Variants in ANKRD12 observed in about 807,000 individuals in gnomAD.
ANKRD12 encodes ankyrin repeat domain 12, also known as ankyrin repeat domain-containing protein 12.
Under a neutral mutation model 183.4 loss-of-function variants are expected in ANKRD12, and 85 were observed. The observed-to-expected ratio is 0.46, with a 90% CI of 0.39 to 0.56. The LOEUF is 0.56. Ranked by LOEUF, ANKRD12 falls within the 20% of genes least tolerant of loss-of-function variation. ANKRD12 has a pLI of 0.00. For synonymous variants in ANKRD12, 914 were observed against 800.2 expected, an observed-to-expected ratio of 1.14 and a Z score of -2.40; for missense variants, 2,405 against 2,357.1, an observed-to-expected ratio of 1.02 and a Z score of -0.42.
intron 2 of ANKRD12, among the ~76,000 whole-genome samples, chr18:9,193,528 GGTT>G (rs1426295925): frequency 6.6e-6 from 1 of 151,294 alleles, no homozygotes; most frequent in Non-Finnish European, 1.5e-5. Flanking sequence ...TTGTTTGTTT[GGTT>G]GTTTTTATCT....
intron 4 of ANKRD12, among the ~76,000 whole-genome samples, chr18:9,205,407 A>G (rs2035431007): frequency 6.6e-6 from 1 of 152,094 alleles, no homozygotes; most frequent in African/African-American, 2.4e-5. Flanking sequence ...CCTGTTTTAT[A>G]CACTTTTTAT....
At chr18:9,144,795 T>G (rs948033807) in intron 1 of ANKRD12, among the ~76,000 whole-genome samples, 1 of 152,124 alleles carries the variant, frequency 6.6e-6, no homozygotes, top group Admixed American at 6.5e-5. Flanking sequence ...GATGATGATA[T>G]TAAAAGAAAA....
Position 9,165,433 on chromosome 18 carries a change from A to G in ANKRD12, c.-51-16949A>G, listed in dbSNP as rs568046208. On this transcript the variant is annotated intron_variant, in intron 1 of 12. Coordinates refer to ENST00000262126, the MANE Select transcript of ANKRD12 (RefSeq NM_015208.5). ...TTAAGTACATTCACATTGTCATGCA[A>G]CCATCACCACTGTTCTTCATCAGAA... Among the ~76,000 whole-genome samples, 39 of 152,248 alleles carry G rather than the reference A, an allele frequency of 2.6e-4. No individual in the cohort carries two copies. In the South Asian group the frequency reaches 5.4e-3, roughly 21 times the overall value.
intron 3 of ANKRD12, among the ~76,000 whole-genome samples, chr18:9,201,234 A>G (rs1053154990): frequency 3.3e-5 from 5 of 152,210 alleles, no homozygotes; most frequent in Non-Finnish European, 5.9e-5. Context: ...AACTTTTGTT[A>G]TCTTTAATAA....
At chr18:9,226,449 A>G (rs909264054) in intron 8 of ANKRD12, among the ~76,000 whole-genome samples, 33 of 151,730 alleles carry the variant, frequency 2.2e-4, no homozygotes, top group Non-Finnish European at 3.5e-4. Flanking sequence ...AAAATTTCCC[A>G]TCACTCCTGA....
At chr18:9,149,793 A>ACTT (rs1568221223) in intron 1 of ANKRD12, among the ~76,000 whole-genome samples, 6 of 145,054 alleles carry the variant, frequency 4.1e-5, no homozygotes. Flanking sequence ...TATTTATTAA[A>ACTT]TTTTATTTTT....
intron 1 of ANKRD12, among the ~76,000 whole-genome samples, chr18:9,155,221 ACAG>A (rs1311497872): frequency 6.6e-6 from 1 of 152,256 alleles, no homozygotes; most frequent in Non-Finnish European, 1.5e-5. Flanking sequence ...ATTTGCTGTC[ACAG>A]CAGAGTGACT....
chr18:9,218,242 C>A (rs2036220939), intron 7 of ANKRD12, among the ~76,000 whole-genome samples: 1 of 152,154 alleles, frequency 6.6e-6, no homozygotes, highest in Non-Finnish European at 1.5e-5. Flanking sequence ...CTTTTGAGCT[C>A]ATGTACTTAC....
At chr18:9,159,906 G>A (rs972107741) in intron 1 of ANKRD12, among the ~76,000 whole-genome samples, 3 of 151,676 alleles carry the variant, frequency 2.0e-5, no homozygotes, top group Admixed American at 6.6e-5. Flanking sequence ...CTGGGCTCAA[G>A]TGATCCTCCT....
rs1041221135 is a variant in ANKRD12, at chr18:9,265,752, C to T, written c.5763+1864C>T. On this transcript the variant is annotated intron_variant, in intron 10 of 12. Transcript: ENST00000262126. ...AAGGAACGCAGCTCCTCACCAGCAACGGAACAAAGCTGGACGGATAATGAC... is the reference window on the plus strand; with the variant it reads ...AAGGAACGCAGCTCCTCACCAGCAATGGAACAAAGCTGGACGGATAATGAC... Among the ~76,000 whole-genome samples, 13 of 152,154 alleles carry T rather than the reference C, an allele frequency of 8.5e-5. 1 individual carries two copies. The South Asian group carries it at 1.7e-3, about 19-fold the overall frequency.
chr18:9,257,635 T>C lies in ANKRD12; in HGVS notation c.4368T>C (p.Asn1456=), dbSNP rs764038883. Residue 1456 remains asparagine, a synonymous_variant, in exon 9 of 13, where the codon AAT becomes AAC. Coordinates refer to ENST00000262126, the MANE Select transcript of ANKRD12 (RefSeq NM_015208.5). The part of the protein sequence containing the change: ...SSLQSFCNSE[N]KVLKENADFL... ...TTCAGAGTTTTTGTAATTCTGAAAA[T>C]AAGGTATTGAAAGAAAATGCTGATT... 4.3e-6 allele frequency: 7 copies of C among 1,613,998 alleles called. No homozygotes were observed. The highest frequency in any genetic ancestry group is 1.7e-5 in the Admixed American group (1 of 59,966).
chr18:9,183,910 A>G (rs1003836968), intron 2 of ANKRD12, among the ~76,000 whole-genome samples: 3 of 151,956 alleles, frequency 2.0e-5, no homozygotes, highest in Non-Finnish European at 4.4e-5. Flanking sequence ...TTTGGTTTTA[A>G]ATATTTTTCA....
chr18:9,279,550 C>G lies in ANKRD12; in HGVS notation c.5909C>G (p.Ser1970Cys). ...EVYNVPLDSQ[S>C]DDSKTSVRDR... ...ATAATACTCACTTTTCTCTTTTAGT[C>G]TGATGACAGTAAAACTTCTGTGAGG... Residue 1970 changes from serine (S) to cysteine (C), a missense_variant and splice_region_variant, in exon 12 of 13, where the codon TCT becomes TGT. Physicochemically the swap from Ser to Cys is moderately radical, Grantham distance 112. This residue lies in a region of ANKRD12 where 162 missense variants were observed against 272.2 expected (regional missense o/e 0.60). Coordinates refer to ENST00000262126, the MANE Select transcript of ANKRD12 (RefSeq NM_015208.5). 5.1e-6 allele frequency: 8 copies of G among 1,578,140 alleles called. No homozygotes were observed. Among genetic ancestry groups the G allele is most frequent in the Non-Finnish European group, 6.9e-6 (8 of 1,155,856 alleles).
chr18:9,254,704 GAATAAA>G lies in ANKRD12; in HGVS notation c.1444_1449del (p.Asn482_Lys483del). The G allele has an allele frequency of 1.3e-6, 2 of 1,510,570 alleles. No individual in the cohort carries two copies. Among genetic ancestry groups the G allele is most frequent in the Middle Eastern group, 1.8e-4 (1 of 5,628 alleles). The allele number at this position is 1,510,570 out of a possible 1,614,324, so 93.6% of individuals were successfully genotyped here. On this transcript the variant is annotated inframe_deletion, in exon 9 of 13. Coordinates refer to ENST00000262126, the MANE Select transcript of ANKRD12 (RefSeq NM_015208.5). ...AAGTTAAAAGAAAATTGAAAAATCA[GAATAAA>G]AATAAAGAGAACCAAGAGCTAAAGC...
At chr18:9,179,841 C>T (rs890989437) in intron 1 of ANKRD12, among the ~76,000 whole-genome samples, 8 of 152,132 alleles carry the variant, frequency 5.3e-5, no homozygotes, top group Non-Finnish European at 8.8e-5. Context: ...TTATTGTCTA[C>T]GAGCAAACTT....
intron 10 of ANKRD12, among the ~76,000 whole-genome samples, chr18:9,274,140 C>T (rs1434984673): frequency 6.6e-6 from 1 of 152,208 alleles, no homozygotes; most frequent in Non-Finnish European, 1.5e-5. Flanking sequence ...GAGCATCTTT[C>T]CCATGGGAGT....
Position 9,204,763 on chromosome 18 carries a change from C to T in ANKRD12, c.304+219C>T, listed in dbSNP as rs72937283. Among the ~76,000 whole-genome samples the T allele has an allele frequency of 9.2e-3, 1,405 of 152,260 alleles. 10 individuals carry two copies. Among genetic ancestry groups the T allele is most frequent in the Non-Finnish European group, 0.014 (946 of 68,014 alleles). Reference sequence around the variant, plus strand: ...ATGTGTGAACCTTGTAGCAGGACTGCCATATACCTCCACTCCAGTTTTTTA... The same window carrying T: ...ATGTGTGAACCTTGTAGCAGGACTGTCATATACCTCCACTCCAGTTTTTTA... On this transcript the variant is annotated intron_variant, in intron 4 of 12. Transcript: ENST00000262126.
At chr18:9,146,644 C>T (rs2078502930) in intron 1 of ANKRD12, among the ~76,000 whole-genome samples, 1 of 152,218 alleles carries the variant, frequency 6.6e-6, no homozygotes, top group South Asian at 2.1e-4. Flanking sequence ...AGTGAAATTA[C>T]TCTGTTCTGG....
rs71168048 is a variant in ANKRD12 at position 9,262,787 on chromosome 18, CTTTTTTTTTTT to C, written c.5665-984_5665-974del. The stretch of plus-strand genomic sequence containing the variant: ...GCCACCATGCCCAGCCAAGATGTCC[CTTTTTTTTTTT>C]TTTTTTTTTTTTTTTTTTGAGACAG... On this transcript the variant is annotated intron_variant, in intron 9 of 12. Coordinates refer to ENST00000262126, the MANE Select transcript of ANKRD12 (RefSeq NM_015208.5). 8.4e-3 allele frequency among the ~76,000 whole-genome samples: 704 copies of C among 83,774 alleles called. 2 individuals carry two copies. The highest frequency in any genetic ancestry group is 0.022 in the Middle Eastern group (3 of 136). 55.0% of individuals were successfully genotyped at this position (83,774 alleles called of 152,430 possible).
Sources: gnomAD v4.1 joint callset for allele counts (sites outside exome capture counted in the v4.1 genomes callset) on GRCh38, gnomAD v4.1.1 for gene constraint, gnomAD v4.1.1 regional missense constraint, MANE v1.5 for transcripts, NCBI Gene and HGNC (gene_info 2026-07-23, HGNC 2026-07-21) for gene names.